The following PTK2 variants were observed in gnomAD, a reference collection of about 807,000 sequenced individuals.
The protein encoded by PTK2 is focal adhesion kinase 1.
PTK2 carries 45 observed loss-of-function variants against 150.1 expected under a neutral mutation model. That is an observed-to-expected ratio of 0.30 (90% CI 0.24 to 0.38). The LOEUF (loss-of-function observed/expected upper bound fraction) is 0.38. PTK2 is among the 10% of genes least tolerant of loss of function. PTK2 has a pLI of 1.00. For synonymous variants in PTK2, 432 were observed against 449.2 expected (o/e 0.96, Z 0.48); for missense variants, 919 against 1,307.3 (o/e 0.70, Z 4.58).
At chr8:140,789,026 G>A (rs1046576980) in intron 14 of PTK2, among the ~76,000 whole-genome samples, 5 of 152,124 alleles carry the variant, frequency 3.3e-5, no homozygotes, top group African/African-American at 4.8e-5. Context: ...CAATGCTCAT[G>A]CCAGAATCTT....
chr8:140,844,976 T>C (rs938558605), intron 7 of PTK2, among the ~76,000 whole-genome samples: 5 of 152,112 alleles, frequency 3.3e-5, no homozygotes, highest in African/African-American at 9.7e-5. Context: ...AAGAGACTCC[T>C]TGGGTTCCTC....
chr8:140,829,089 G>C (rs1390642278), intron 8 of PTK2, among the ~76,000 whole-genome samples: 1 of 152,144 alleles, frequency 6.6e-6, no homozygotes. Context: ...TAATAGATCA[G>C]GAAACTTGAA....
At chr8:140,671,888 C>T (rs2095536406) in intron 29 of PTK2, among the ~76,000 whole-genome samples, 1 of 144,178 alleles carries the variant, frequency 6.9e-6, no homozygotes, top group African/African-American at 2.6e-5. Context: ...GCCAAGATCG[C>T]ACCACTGCAC....
At chr8:140,826,594 T>C (rs567191531) in intron 8 of PTK2, among the ~76,000 whole-genome samples, 13 of 152,268 alleles carry the variant, frequency 8.5e-5, no homozygotes, top group East Asian at 3.9e-4. Context: ...TCAGCAGCAA[T>C]TGAATTGCTC....
chr8:140,705,423 G>C (rs946687400), intron 24 of PTK2, among the ~76,000 whole-genome samples: 1 of 152,150 alleles, frequency 6.6e-6, no homozygotes, highest in Non-Finnish European at 1.5e-5. Flanking sequence ...AGAACAGGCA[G>C]AAACCTCTGA....
rs116539142 is a variant in PTK2, at chr8:140,848,722, C to T, written c.451-2044G>A. ...AAGTCTCAATTTAAAACCTGTTTTGCATCATAAGTAGGTTTATTATCGAGC... is the reference window on the plus strand; with the variant it reads ...AAGTCTCAATTTAAAACCTGTTTTGTATCATAAGTAGGTTTATTATCGAGC... On this transcript the variant is annotated intron_variant, in intron 5 of 31. Transcript: ENST00000522684. Among the ~76,000 whole-genome samples, 663 of 152,234 alleles carry T rather than the reference C, an allele frequency of 4.4e-3. 6 individuals are homozygous for T. Among genetic ancestry groups the T allele is most frequent in the African/African-American group, 0.015 (629 of 41,536 alleles).
chr8:140,952,820 G>A (rs1366445905), intron 1 of PTK2, among the ~76,000 whole-genome samples: 2 of 152,016 alleles, frequency 1.3e-5, no homozygotes, highest in Non-Finnish European at 2.9e-5. Flanking sequence ...TCAATTGTAC[G>A]ATTTCTAAAC....
chr8:140,739,547 GCAAACA>G (rs2100054502), intron 20 of PTK2, among the ~76,000 whole-genome samples: 1 of 152,156 alleles, frequency 6.6e-6, no homozygotes, highest in African/African-American at 2.4e-5. Context: ...TAAAGTTGTT[GCAAACA>G]CAGAACCCCT....
chr8:140,721,362 T>C (rs369161004), intron 22 of PTK2, among the ~76,000 whole-genome samples: 4 of 152,190 alleles, frequency 2.6e-5, no homozygotes, highest in South Asian at 2.1e-4. Context: ...ATATACAATG[T>C]CTTTGAACTT....
chr8:140,668,215 A>G, intron 30 of PTK2, 54 bp downstream of exon 34: 2 of 1,603,938 alleles, frequency 1.2e-6, no homozygotes, highest in Admixed American at 3.4e-5. Context: ...CTGGCACCAC[A>G]GCTTACAGGA....
At chr8:140,780,871 G>A (rs1374783800) in intron 14 of PTK2, among the ~76,000 whole-genome samples, 7 of 152,226 alleles carry the variant, frequency 4.6e-5, no homozygotes, top group Non-Finnish European at 2.9e-5. Context: ...AAATTGGCCA[G>A]AAGTTTTTAG....
At chr8:140,693,564 T>TAAAAAAAA (rs377205785) in intron 26 of PTK2, among the ~76,000 whole-genome samples, 6 of 72,458 alleles carry the variant, frequency 8.3e-5, no homozygotes, top group African/African-American at 3.0e-4. Flanking sequence ...TTGTCTCAAT[T>TAAAAAAAA]AAAAAAAAAA....
chr8:140,660,539 C>A, intron 31 of PTK2: 1 of 446,464 alleles, frequency 2.2e-6, no homozygotes, highest in South Asian at 1.6e-5. Flanking sequence ...GCCTGGGCAA[C>A]ATGGTGAAAC....
chr8:140,884,466 G>T lies in PTK2; in HGVS notation c.196-4829C>A, dbSNP rs557170027. Among the ~76,000 whole-genome samples, 116 of 152,202 alleles carry T rather than the reference G, an allele frequency of 7.6e-4. 1 individual carries two copies. The highest frequency in any genetic ancestry group is 1.3e-3 in the Non-Finnish European group (86 of 68,014). On this transcript the variant is annotated intron_variant, in intron 3 of 31. Transcript: ENST00000522684. ...CGTAACAATCAATGTTCAATTGATT[G>T]TTATTAATAATCAATTGTTTTTAAA...
intron 9 of PTK2, 117 bp from the exon 10 acceptor site, chr8:140,818,471 A>T: frequency 2.4e-6 from 2 of 826,332 alleles, no homozygotes; most frequent in Non-Finnish European, 4.0e-6. Flanking sequence ...GTTTGCTATT[A>T]ATCTATCTAA....
At position 140,734,582 on chromosome 8, in the gene PTK2, C is replaced by A; in HGVS notation, c.2030+669G>T. ...ACATGCTTCTCTGAGGGATTCAGCA[C>A]ACTAATGTCCCTGCGTGCTTCCTCC... On this transcript the variant is annotated intron_variant, in intron 22 of 31. Transcript: ENST00000522684. The A allele has an allele frequency of 5.3e-6, 2 of 378,260 alleles. 1 individual carries two copies. The highest frequency in any genetic ancestry group is 4.0e-5 in the South Asian group (2 of 50,136). The allele number at this position is 378,260 out of a possible 1,614,324, so 23.4% of individuals were successfully genotyped here.
chr8:140,888,529 C>G (rs191832175), intron 3 of PTK2, among the ~76,000 whole-genome samples: 6 of 152,276 alleles, frequency 3.9e-5, no homozygotes, highest in Admixed American at 2.0e-4. Flanking sequence ...TCAGATTGAT[C>G]TTCACAAGTT....
intron 1 of PTK2, among the ~76,000 whole-genome samples, chr8:140,970,028 T>C (rs2100186694): frequency 6.6e-6 from 1 of 152,232 alleles, no homozygotes; most frequent in Non-Finnish European, 1.5e-5. Context: ...ACTGACCTAC[T>C]TCTGAAACTA....
In PTK2 at chr8:140,791,857, A is replaced by G. The variant is rs1035701191; in HGVS notation, c.1124+1497T>C. Among the ~76,000 whole-genome samples, 37 of 152,314 alleles carry G rather than the reference A, an allele frequency of 2.4e-4. 1 individual carries two copies. Among genetic ancestry groups the G allele is most frequent in the Admixed American group, 1.5e-3 (23 of 15,302 alleles). On this transcript the variant is annotated intron_variant, in intron 13 of 31. Transcript: ENST00000522684. ...GAAAAAAAGGTAAATGTACTTGAAG[A>G]ATAGTATGAGGAGTGACAAAAACCA...
Sources: allele counts gnomAD v4.1 joint callset (sites outside exome capture counted in the v4.1 genomes callset), GRCh38; gene constraint gnomAD v4.1.1; transcripts MANE v1.5; gene names NCBI Gene and HGNC (gene_info 2026-07-23, HGNC 2026-07-21).